The following MEF2A variants were observed in gnomAD, a reference collection of about 807,000 sequenced individuals.
MEF2A encodes myocyte-specific enhancer factor 2A.
MEF2A carries 28 observed loss-of-function variants against 55.8 expected under a neutral mutation model. The observed-to-expected ratio is 0.50, with a 90% confidence interval of 0.37 to 0.69. The LOEUF is 0.69. Ranked by LOEUF, MEF2A falls within the 30% of genes least tolerant of loss-of-function variation. MEF2A has a pLI of 0.00. For synonymous variants in MEF2A, 239 were observed against 227.1 expected, an observed-to-expected ratio of 1.05 and a Z score of -0.47; for missense variants, 528 against 626.2, an observed-to-expected ratio of 0.84 and a Z score of 1.67.
chr15:99,647,682 ACTTTTG>A, intron 4 of MEF2A, among the ~76,000 whole-genome samples: 1 of 152,272 alleles, frequency 6.6e-6, no homozygotes, highest in Middle Eastern at 3.4e-3. Context: ...ATGAAGGAAA[ACTTTTG>A]CGGCTCAATT....
chr15:99,626,081 A>G (rs2042001634), intron 2 of MEF2A, among the ~76,000 whole-genome samples: 1 of 152,136 alleles, frequency 6.6e-6, no homozygotes. Flanking sequence ...CATTGAGTCT[A>G]AAGCTTTTCT....
intron 1 of MEF2A, among the ~76,000 whole-genome samples, chr15:99,590,901 A>G (rs1449135135): frequency 2.0e-5 from 3 of 152,148 alleles, no homozygotes; most frequent in Non-Finnish European, 4.4e-5. Flanking sequence ...CACGTTTACC[A>G]TTTGTTACTC....
At chr15:99,610,147 A>G (rs1198889799) in intron 2 of MEF2A, among the ~76,000 whole-genome samples, 2 of 152,146 alleles carry the variant, frequency 1.3e-5, no homozygotes, top group Non-Finnish European at 2.9e-5. Flanking sequence ...GCAGTGAACA[A>G]TCCAAAAATG....
intron 4 of MEF2A, among the ~76,000 whole-genome samples, chr15:99,653,995 C>T (rs752824589): frequency 6.6e-6 from 1 of 152,032 alleles, no homozygotes; most frequent in Non-Finnish European, 1.5e-5. Context: ...TAGAGGAATT[C>T]AAGACATTAG....
intron 2 of MEF2A, among the ~76,000 whole-genome samples, chr15:99,605,693 G>C (rs1248678303): frequency 2.6e-5 from 4 of 151,876 alleles, no homozygotes; most frequent in Non-Finnish European, 5.9e-5. Context: ...AAAGGGGCTG[G>C]GTGCAGTGGC....
At chr15:99,636,999 G>A (rs1013265740) in intron 3 of MEF2A, among the ~76,000 whole-genome samples, 1 of 152,036 alleles carries the variant, frequency 6.6e-6, no homozygotes, top group Non-Finnish European at 1.5e-5. Context: ...GTAACCATAT[G>A]TGTGTGAAAC....
At chr15:99,657,465 A>T (rs2047932698) in intron 4 of MEF2A, 1 of 152,128 alleles carries the variant, frequency 6.6e-6, no homozygotes. Flanking sequence ...GATAAACTGT[A>T]AAAACAGAAC....
chr15:99,707,535 C>T (rs325406), intron 10 of MEF2A, among the ~76,000 whole-genome samples: 88,012 of 152,022 alleles, frequency 0.58, 29,592 homozygotes, highest in South Asian at 0.78. Flanking sequence ...TTACAGTGAT[C>T]GTAGGAGTGC....
intron 2 of MEF2A, among the ~76,000 whole-genome samples, chr15:99,622,257 G>T (rs2041308254): frequency 6.6e-6 from 1 of 151,978 alleles, no homozygotes; most frequent in African/African-American, 2.4e-5. Flanking sequence ...CTGCATTCCT[G>T]TTGCCTGAAT....
chr15:99,710,328 T>C (rs1022775548), intron 10 of MEF2A, among the ~76,000 whole-genome samples: 69 of 152,176 alleles, frequency 4.5e-4, no homozygotes, highest in African/African-American at 2.2e-4. Flanking sequence ...CTGCAGCCTC[T>C]GCCTCCCGGG....
intron 7 of MEF2A, among the ~76,000 whole-genome samples, chr15:99,684,172 G>A (rs1441065372): frequency 6.6e-6 from 1 of 152,158 alleles, no homozygotes; most frequent in Non-Finnish European, 1.5e-5. Flanking sequence ...AAAATGTGCT[G>A]CTATAAACAT....
At chr15:99,643,534 C>T (rs1302921714) in intron 3 of MEF2A, among the ~76,000 whole-genome samples, 1 of 151,794 alleles carries the variant, frequency 6.6e-6, no homozygotes, top group African/African-American at 2.4e-5. Flanking sequence ...TTTGTAAAAA[C>T]AAGTACATCA....
chr15:99,612,426 A>G (rs2039437025), intron 2 of MEF2A, among the ~76,000 whole-genome samples: 1 of 152,120 alleles, frequency 6.6e-6, no homozygotes, highest in Admixed American at 6.5e-5. Flanking sequence ...AAAAAAACAA[A>G]CAAAACACTG....
intron 2 of MEF2A, among the ~76,000 whole-genome samples, chr15:99,629,955 C>T (rs1050826391): frequency 6.6e-6 from 1 of 151,652 alleles, no homozygotes; most frequent in African/African-American, 2.4e-5. Context: ...AAAAAAATCT[C>T]TCTTTGGGGG....
chr15:99,608,434 C>G (rs1403466991), intron 2 of MEF2A, among the ~76,000 whole-genome samples: 1 of 152,058 alleles, frequency 6.6e-6, no homozygotes, highest in African/African-American at 2.4e-5. Flanking sequence ...TGGAAGCATA[C>G]AAAAATATAT....
At chr15:99,590,974 G>C (rs547989460) in intron 1 of MEF2A, among the ~76,000 whole-genome samples, 19 of 152,140 alleles carry the variant, frequency 1.2e-4, no homozygotes, top group Admixed American at 7.2e-4. Context: ...CTATATCTTA[G>C]AGCAGTTTTA....
chr15:99,582,634 T>C, intron 1 of MEF2A, among the ~76,000 whole-genome samples: 1 of 152,120 alleles, frequency 6.6e-6, no homozygotes, highest in East Asian at 1.9e-4. Context: ...GTCTTACAAA[T>C]GACTCAGGAT....
intron 2 of MEF2A, among the ~76,000 whole-genome samples, chr15:99,622,495 T>TTTGAAAGATA (rs2041354305): frequency 6.6e-6 from 1 of 152,194 alleles, no homozygotes; most frequent in Non-Finnish European, 1.5e-5. Context: ...CCTGGAATTA[T>TTTGAAAGATA]TTGAAAGATA....
chr15:99,696,849 C>G (rs2056546285), intron 8 of MEF2A, among the ~76,000 whole-genome samples: 1 of 151,702 alleles, frequency 6.6e-6, no homozygotes, highest in Non-Finnish European at 1.5e-5. Context: ...TAAGCCAACA[C>G]AAGAAAAAAA....
Sources: gnomAD v4.1 joint callset for allele counts (sites outside exome capture counted in the v4.1 genomes callset) on GRCh38, gnomAD v4.1.1 for gene constraint, MANE v1.5 for transcripts, NCBI Gene and HGNC (gene_info 2026-07-23, HGNC 2026-07-21) for gene names.